The following NSA2 variants were observed in gnomAD, a reference collection of about 807,000 sequenced individuals.
NSA2 encodes the protein NSA2 ribosome biogenesis factor, also known as ribosome biogenesis protein NSA2 homolog.
A neutral mutation model predicts 34.8 loss-of-function variants in NSA2; 18 were observed. That is an observed-to-expected ratio of 0.52 (90% confidence interval 0.36 to 0.77). The LOEUF is 0.77. NSA2 is among the 30% of genes least tolerant of loss of function. The pLI is 0.00. For missense variants in NSA2, 188 were observed against 314.7 expected, an observed-to-expected ratio of 0.60 and a Z score of 3.05; for synonymous variants, 79 against 100.2, an observed-to-expected ratio of 0.79 and a Z score of 1.26.
intron 4 of NSA2, among the ~76,000 whole-genome samples, chr5:74,772,263 T>C (rs1035874360): frequency 6.6e-6 from 1 of 151,966 alleles, no homozygotes; most frequent in Non-Finnish European, 1.5e-5. Flanking sequence ...TAGCTGGGAC[T>C]ATAGGTGCCC....
intron 3 of NSA2, among the ~76,000 whole-genome samples, chr5:74,770,060 G>A (rs545693745): frequency 7.9e-5 from 12 of 152,242 alleles, no homozygotes; most frequent in Admixed American, 2.0e-4. Context: ...GCTGGGCACC[G>A]TGACTCACGC....
At chr5:74,769,486 A>T in intron 3 of NSA2, 122 bp downstream of exon 3, 1 of 728,440 alleles carries the variant, frequency 1.4e-6, no homozygotes, top group Non-Finnish European at 2.1e-6. Flanking sequence ...CATTATTTAG[A>T]TGTTGAAGTC....
Position 74,769,042 on chromosome 5 carries a change from G to T in NSA2, c.115G>T (p.Ala39Ser). 1 of 1,612,242 alleles carries T rather than the reference G, an allele frequency of 6.2e-7. No homozygotes were observed. Among genetic ancestry groups the T allele is most frequent in the Non-Finnish European group, 8.5e-7 (1 of 1,179,630 alleles). The change falls in exon 2 of 6, where the codon GCA becomes TCA. Residue 39 changes from alanine to serine, a missense_variant. Physicochemically the swap from Ala to Ser is moderately conservative, Grantham distance 99. Transcript: ENST00000610426. ...SREAHERSKK[A>S]KKMIGLKAKL... ...AGAGGCTCATGAACGTTCAAAGAAG[G>T]CAAAGAAAATGATTGGTCTGAAGGC...
intron 4 of NSA2, chr5:74,771,663 CTG>C (rs1273881706): frequency 6.6e-6 from 1 of 151,624 alleles, no homozygotes; most frequent in African/African-American, 2.4e-5. Context: ...CTGGCTAACA[CTG>C]TGAAACCCCA....
Position 74,768,924 on chromosome 5 carries a change from A to C in NSA2, c.4-7A>C. 6.4e-7 allele frequency: 1 copy of C among 1,553,406 alleles called. No homozygotes were observed. Among genetic ancestry groups the C allele is most frequent in the South Asian group, 1.2e-5 (1 of 81,902 alleles). On this transcript the variant is annotated splice_polypyrimidine_tract_variant and splice_region_variant and intron_variant, in intron 1 of 5. Coordinates refer to ENST00000610426, the MANE Select transcript of NSA2 (RefSeq NM_014886.6). The stretch of plus-strand genomic sequence containing the variant: ...AAATTAAAATAATATTTCTTCCATC[A>C]TTATAGCCACAGAATGAATATATTG...
intron 5 of NSA2, among the ~76,000 whole-genome samples, chr5:74,776,026 T>G (rs1157489196): frequency 6.6e-6 from 1 of 152,216 alleles, no homozygotes; most frequent in Non-Finnish European, 1.5e-5. Context: ...CTCAGGTCAA[T>G]CCACAAAAGC....
rs1195993353 is a variant in NSA2, at chr5:74,777,466, T to TA, written c.*800dup. On this transcript the variant is annotated 3_prime_UTR_variant, in exon 6 of 6. Transcript: ENST00000610426. Reference sequence around the variant, plus strand: ...TTTATTTGCAGTTACTTAGATGATGTAAAAAGGTAAGGATTTACGGTTGTA... The same window carrying TA: ...TTTATTTGCAGTTACTTAGATGATGTAAAAAAGGTAAGGATTTACGGTTGTA... 6.6e-6 allele frequency: 1 copy of TA among 152,190 alleles called. No homozygotes were observed. Among genetic ancestry groups the TA allele is most frequent in the Non-Finnish European group, 1.5e-5 (1 of 67,982 alleles). The allele number at this position is 152,190 out of a possible 1,614,324, so 9.4% of individuals were successfully genotyped here.
intron 1 of NSA2, among the ~76,000 whole-genome samples, chr5:74,767,890 T>C (rs1363654683): frequency 2.0e-5 from 3 of 152,220 alleles, no homozygotes; most frequent in Non-Finnish European, 4.4e-5. Flanking sequence ...TGGCATTCCA[T>C]ACACCCTTCA....
Position 74,767,279 on chromosome 5 carries a change from G to A in NSA2, c.-82G>A, listed in dbSNP as rs1385757402. 3.8e-6 allele frequency: 6 copies of A among 1,569,834 alleles called. No homozygotes were observed. The highest frequency in any genetic ancestry group is 5.3e-6 in the Non-Finnish European group (6 of 1,141,496). ...TTCCTGTCCCGGCCTGCGTGGTGTG[G>A]GCTTGTGGGTCTTTGAGACCCGAAA... On this transcript the variant is annotated 5_prime_UTR_variant, in exon 1 of 6. Coordinates refer to ENST00000610426, the MANE Select transcript of NSA2 (RefSeq NM_014886.6).
intron 1 of NSA2, 131 bp downstream of exon 1, chr5:74,767,494 A>G (rs1371078087): frequency 8.9e-7 from 1 of 1,126,486 alleles, no homozygotes; most frequent in Non-Finnish European, 1.3e-6. Context: ...AAAGGATGGT[A>G]GACCCGTGGG....
rs1385234785 is a variant in NSA2, at chr5:74,779,166, A to G, written c.*2495A>G. 6.6e-6 allele frequency: 1 copy of G among 152,292 alleles called. No homozygotes were observed. The highest frequency in any genetic ancestry group is 1.9e-4 in the East Asian group (1 of 5,194). The allele number at this position is 152,292 out of a possible 1,614,324, so 9.4% of individuals were successfully genotyped here. A position where few individuals can be genotyped will look rare whatever the true frequency, so the allele number is the denominator to read the frequency against. ...CTATTTAACCCAAACAAGTTTAACA[A>G]GAATAAGTTTATACTGTTAGCCCCC... On this transcript the variant is annotated 3_prime_UTR_variant, in exon 6 of 6. Transcript: ENST00000610426.
chr5:74,767,901 T>C (rs997837089), intron 1 of NSA2, among the ~76,000 whole-genome samples: 3 of 152,244 alleles, frequency 2.0e-5, no homozygotes, highest in Non-Finnish European at 4.4e-5. Context: ...ACACCCTTCA[T>C]GTGATTGCTG....
intron 3 of NSA2, 76 bp downstream of exon 3, chr5:74,769,440 G>A (rs919843311): frequency 1.5e-5 from 19 of 1,239,296 alleles, no homozygotes; most frequent in African/African-American, 3.1e-5. Context: ...CTTGTTTCTC[G>A]GTTTAATTTC....
intron 5 of NSA2, among the ~76,000 whole-genome samples, chr5:74,774,550 G>A (rs1745049612): frequency 6.6e-6 from 1 of 152,140 alleles, no homozygotes; most frequent in Admixed American, 6.5e-5. Context: ...CTTGCAGTGA[G>A]CTGAGATTGT....
In NSA2 at chr5:74,779,888, A is replaced by T. The variant is rs1745325333; in HGVS notation, c.*3217A>T. ...ACTATAGACTGAATACACTTTCAAC[A>T]TCAGTCCTTAGCTACCTCAAATAAT... is the stretch of plus-strand genomic sequence containing the variant. On this transcript the variant is annotated 3_prime_UTR_variant, in exon 6 of 6. Coordinates refer to ENST00000610426, the MANE Select transcript of NSA2 (RefSeq NM_014886.6). 1 of 152,226 alleles carries T rather than the reference A, an allele frequency of 6.6e-6. No homozygotes were observed. The highest frequency in any genetic ancestry group is 1.5e-5 in the Non-Finnish European group (1 of 68,034). 9.4% of individuals were successfully genotyped at this position (152,226 alleles called of 1,614,324 possible). A position where few individuals can be genotyped will look rare whatever the true frequency, so the allele number is the denominator to read the frequency against.
At chr5:74,767,444 G>T in intron 1 of NSA2, 81 bp downstream of exon 1, 1 of 1,552,570 alleles carries the variant, frequency 6.4e-7, no homozygotes, top group Non-Finnish European at 8.8e-7. Context: ...CTGGGGTAGG[G>T]GGTGAGCGGT....
rs1745232652 is a variant in NSA2, at chr5:74,778,454, G to C, written c.*1783G>C. 6.6e-6 allele frequency: 1 copy of C among 151,996 alleles called. No homozygotes were observed. The highest frequency in any genetic ancestry group is 2.4e-5 in the African/African-American group (1 of 41,428). 9.4% of individuals were successfully genotyped at this position (151,996 alleles called of 1,614,324 possible). A position where few individuals can be genotyped will look rare whatever the true frequency, so the allele number is the denominator to read the frequency against. On this transcript the variant is annotated 3_prime_UTR_variant, in exon 6 of 6. Transcript: ENST00000610426. Reference sequence around the variant, plus strand: ...GATTTCTAGTCACTGAAACCCCATTGTAGGTAGTGTTCTGGAGTCTGCTAT... The same window carrying C: ...GATTTCTAGTCACTGAAACCCCATTCTAGGTAGTGTTCTGGAGTCTGCTAT...
chr5:74,778,484 A>G lies in NSA2; in HGVS notation c.*1813A>G, dbSNP rs1745233886. 1 of 152,028 alleles carries G rather than the reference A, an allele frequency of 6.6e-6. No homozygotes were observed. The highest frequency in any genetic ancestry group is 2.4e-5 in the African/African-American group (1 of 41,446). The allele number at this position is 152,028 out of a possible 1,614,324, so 9.4% of individuals were successfully genotyped here. On this transcript the variant is annotated 3_prime_UTR_variant, in exon 6 of 6. Coordinates refer to ENST00000610426, the MANE Select transcript of NSA2 (RefSeq NM_014886.6). Reference sequence around the variant, plus strand: ...TAGTGTTCTGGAGTCTGCTATAAGTAAATCTTTAATGACTAGATGTTTTCC... The same window carrying G: ...TAGTGTTCTGGAGTCTGCTATAAGTGAATCTTTAATGACTAGATGTTTTCC...
intron 5 of NSA2, among the ~76,000 whole-genome samples, chr5:74,775,796 A>C (rs1354987779): frequency 6.6e-6 from 1 of 152,090 alleles, no homozygotes; most frequent in East Asian, 1.9e-4. Flanking sequence ...GAAATGTGTC[A>C]TGCAGTAATT....
Sources: gnomAD v4.1 joint callset for allele counts (sites outside exome capture counted in the v4.1 genomes callset) on GRCh38, gnomAD v4.1.1 for gene constraint, MANE v1.5 for transcripts, NCBI Gene and HGNC (gene_info 2026-07-23, HGNC 2026-07-21) for gene names.